The following ADAMTS6 variants were observed in gnomAD, a reference collection of about 807,000 sequenced individuals.
ADAMTS6 encodes A disintegrin and metalloproteinase with thrombospondin motifs 6.
Under a neutral mutation model 144.3 loss-of-function variants are expected in ADAMTS6, and 23 were observed. The observed-to-expected ratio is 0.16, with a 90% CI of 0.11 to 0.23. The LOEUF (loss-of-function observed/expected upper bound fraction) is 0.23, where lower values mean the gene tolerates loss of function less well. Ranked by LOEUF, ADAMTS6 falls within the 10% of genes least tolerant of loss-of-function variation. ADAMTS6 has a pLI of 1.00. For synonymous variants in ADAMTS6, 444 were observed against 457.5 expected (o/e 0.97, Z 0.38); for missense variants, 999 against 1,379.6 (o/e 0.72, Z 4.37).
At chr5:65,257,126 T>C (rs1760750097) in intron 14 of ADAMTS6, among the ~76,000 whole-genome samples, 1 of 151,496 alleles carries the variant, frequency 6.6e-6, no homozygotes, top group Admixed American at 6.6e-5. Context: ...CACTGTGCCT[T>C]GCTTTCTCAT....
intron 14 of ADAMTS6, among the ~76,000 whole-genome samples, chr5:65,253,588 T>G (rs6869670): frequency 2.6e-5 from 4 of 151,980 alleles, no homozygotes; most frequent in Admixed American, 1.3e-4. Flanking sequence ...GGAAGCTGGT[T>G]TGATAAAAGA....
chr5:65,314,910 C>A (rs1415303400), intron 9 of ADAMTS6, among the ~76,000 whole-genome samples: 1 of 151,882 alleles, frequency 6.6e-6, no homozygotes, highest in Non-Finnish European at 1.5e-5. Context: ...GGAAGGACAT[C>A]AAAAAAAGAA....
chr5:65,210,170 C>T (rs1051145058), intron 20 of ADAMTS6: 3 of 206,228 alleles, frequency 1.5e-5, no homozygotes, highest in African/African-American at 4.7e-5. Context: ...CTATGAAGGC[C>T]GGCCGGGCGC....
intron 12 of ADAMTS6, among the ~76,000 whole-genome samples, chr5:65,269,087 T>C (rs900278607): frequency 2.0e-5 from 3 of 152,202 alleles, no homozygotes; most frequent in Non-Finnish European, 4.4e-5. Context: ...CACAAACTCA[T>C]GCTTATACTC....
At chr5:65,219,103 A>C (rs1264772276) in intron 18 of ADAMTS6, among the ~76,000 whole-genome samples, 2 of 152,188 alleles carry the variant, frequency 1.3e-5, no homozygotes, top group Non-Finnish European at 2.9e-5. Context: ...GACAAACAGA[A>C]AAACAGCAAG....
chr5:65,290,916 A>G (rs1008239889), intron 11 of ADAMTS6, among the ~76,000 whole-genome samples: 2 of 152,312 alleles, frequency 1.3e-5, no homozygotes, highest in Middle Eastern at 6.8e-3. Context: ...GAAGTGACTT[A>G]GCACTATCAA....
chr5:65,466,405 G>C (rs1760005348), intron 3 of ADAMTS6, among the ~76,000 whole-genome samples: 3 of 151,984 alleles, frequency 2.0e-5, no homozygotes, highest in Non-Finnish European at 2.9e-5. Flanking sequence ...TTCCCTTAGG[G>C]TCTTTGCTCA....
chr5:65,266,158 T>C (rs1330567126), intron 12 of ADAMTS6, among the ~76,000 whole-genome samples: 1 of 151,944 alleles, frequency 6.6e-6, no homozygotes, highest in Non-Finnish European at 1.5e-5. Flanking sequence ...TATTTATTAA[T>C]ATTATTACAC....
At chr5:65,428,138 A>C (rs999400498) in intron 7 of ADAMTS6, among the ~76,000 whole-genome samples, 1 of 150,810 alleles carries the variant, frequency 6.6e-6, no homozygotes. Flanking sequence ...AGGCAGGAGA[A>C]TCACTCAAAC....
chr5:65,417,833 T>C (rs1755672356), intron 7 of ADAMTS6, among the ~76,000 whole-genome samples: 3 of 152,158 alleles, frequency 2.0e-5, no homozygotes, highest in Non-Finnish European at 4.4e-5. Flanking sequence ...GCTATTCCTA[T>C]CAAACTACCA....
At chr5:65,438,903 T>C (rs1757655762) in intron 7 of ADAMTS6, among the ~76,000 whole-genome samples, 1 of 152,216 alleles carries the variant, frequency 6.6e-6, no homozygotes, top group Non-Finnish European at 1.5e-5. Context: ...CTCTAGAATT[T>C]CTGTACAAGA....
chr5:65,348,687 T>C (rs1221619284), intron 7 of ADAMTS6, among the ~76,000 whole-genome samples: 1 of 152,130 alleles, frequency 6.6e-6, no homozygotes, highest in African/African-American at 2.4e-5. Flanking sequence ...GGGGTGATAA[T>C]TATATTAATT....
intron 11 of ADAMTS6, among the ~76,000 whole-genome samples, chr5:65,288,978 A>C (rs985178655): frequency 2.0e-5 from 3 of 152,228 alleles, no homozygotes; most frequent in African/African-American, 7.2e-5. Flanking sequence ...ACACAAGTTC[A>C]GAGGTGGGAG....
In ADAMTS6 at chr5:65,215,330, G is replaced by C; in HGVS notation, c.2430C>G (p.Ile810Met). Residue 810 changes from isoleucine (I) to methionine (M), a missense_variant, in exon 19 of 25, where the codon ATC becomes ATG. Around this residue, in one of 3 missense-constraint regions of ADAMTS6, gnomAD observed 619 missense variants for 837.0 expected, o/e 0.74. Transcript: ENST00000381055. ...EALGPTSENL[I>M]VMVLLQEQNL... ...ATGGCAAAGACGCATTTACCATGACGATGAGATTTTCTGAGGTAGGACCTA... is the reference window on the plus strand; with the variant it reads ...ATGGCAAAGACGCATTTACCATGACCATGAGATTTTCTGAGGTAGGACCTA... 1 of 1,613,152 alleles carries C rather than the reference G, an allele frequency of 6.2e-7. No individual in the cohort carries two copies.
chr5:65,206,861 C>A (rs868384945), intron 20 of ADAMTS6, among the ~76,000 whole-genome samples: 1 of 142,044 alleles, frequency 7.0e-6, no homozygotes. Context: ...CACACACACA[C>A]ACACACAAAT....
intron 9 of ADAMTS6, among the ~76,000 whole-genome samples, chr5:65,319,839 T>C (rs1196071904): frequency 6.6e-6 from 1 of 152,064 alleles, no homozygotes; most frequent in East Asian, 1.9e-4. Context: ...ACCAAAAGGT[T>C]TTTTTGTTTG....
At chr5:65,317,566 A>G (rs1745132827) in intron 9 of ADAMTS6, among the ~76,000 whole-genome samples, 1 of 152,222 alleles carries the variant, frequency 6.6e-6, no homozygotes, top group Admixed American at 6.5e-5. Context: ...ATGGGATCAC[A>G]TCAAGTTAAA....
intron 7 of ADAMTS6, among the ~76,000 whole-genome samples, chr5:65,399,925 C>T (rs1753775398): frequency 6.6e-6 from 1 of 152,156 alleles, no homozygotes; most frequent in Non-Finnish European, 1.5e-5. Context: ...TTTAACATTT[C>T]TTGCAAGGCA....
intron 21 of ADAMTS6, 41 bp downstream of exon 21, chr5:65,196,981 G>T (rs1755428599): frequency 1.9e-6 from 3 of 1,587,148 alleles, no homozygotes; most frequent in African/African-American, 1.4e-5. Context: ...TTTTCTCTTT[G>T]CACCTGAAGA....
Sources: gnomAD v4.1 joint callset for allele counts (sites outside exome capture counted in the v4.1 genomes callset) on GRCh38, gnomAD v4.1.1 for gene constraint, gnomAD v4.1.1 regional missense constraint, MANE v1.5 for transcripts, NCBI Gene and HGNC (gene_info 2026-07-23, HGNC 2026-07-21) for gene names.